CRYAB: variants seen among roughly 807,000 people sequenced by gnomAD.
The protein encoded by CRYAB is alpha-crystallin B chain.
A neutral mutation model predicts 12.7 loss-of-function variants in CRYAB; 9 were observed. That is an observed-to-expected ratio of 0.71 (90% confidence interval 0.43 to 1.24). CRYAB has a LOEUF of 1.24. Among genes scored for constraint, CRYAB ranks in the 50% most tolerant of loss-of-function variants. The pLI is 0.00. For synonymous variants in CRYAB, 93 were observed against 86.8 expected, an observed-to-expected ratio of 1.07 and a Z score of -0.40; for missense variants, 183 against 226.6, an observed-to-expected ratio of 0.81 and a Z score of 1.24.
At chr11:111,910,103 C>T (rs1965405096) in intron 2 of CRYAB, 1 of 695,332 alleles carries the variant, frequency 1.4e-6, no homozygotes, top group Non-Finnish European at 2.6e-6. Context: ...CCCATCATCC[C>T]ATCTAAGGCG....
upstream of CRYAB, chr11:111,918,093 A>G (rs1338476365): frequency 6.6e-6 from 1 of 152,292 alleles, no homozygotes; most frequent in African/African-American, 2.4e-5. Flanking sequence ...ATCCGAGGAA[A>G]ACACTAAAAA....
At chr11:111,910,485 A>C (rs782716901) in intron 1 of CRYAB, 36 bp from the exon 2 acceptor site, 2 of 1,613,656 alleles carry the variant, frequency 1.2e-6, no homozygotes, top group Non-Finnish European at 1.7e-6. Flanking sequence ...GGATGGGAGA[A>C]AGAGGGCAAA....
intron 1 of CRYAB, chr11:111,919,078 C>A: frequency 6.4e-7 from 1 of 1,553,318 alleles, no homozygotes; most frequent in Non-Finnish European, 8.8e-7. Context: ...AATCAGAGGA[C>A]CTGGAGATAG....
At chr11:111,909,105 G>A (rs782621608) in intron 2 of CRYAB, 138 bp from the exon 3 acceptor site, 27 of 853,542 alleles carry the variant, frequency 3.2e-5, no homozygotes, top group Admixed American at 2.8e-4. Context: ...ATAGAGCTTC[G>A]TTTCAGGGTT....
upstream of CRYAB, chr11:111,913,531 C>T: frequency 1.2e-6 from 2 of 1,614,124 alleles, no homozygotes; most frequent in Non-Finnish European, 1.7e-6. Context: ...GGCAGCAGGG[C>T]AGGGGCCTCC....
upstream of CRYAB, among the ~76,000 whole-genome samples, chr11:111,917,545 G>A (rs1965615706): frequency 2.0e-5 from 3 of 151,700 alleles, no homozygotes; most frequent in African/African-American, 4.8e-5. Flanking sequence ...CCTCACACCT[G>A]TAACCCCAGC....
chr11:111,911,955 C>CGGCCAGT (rs1191909125), upstream of CRYAB: 7 of 545,312 alleles, frequency 1.3e-5, no homozygotes, highest in African/African-American at 1.3e-4. Flanking sequence ...ACGTCTGAGC[C>CGGCCAGT]GGCCAGTGAC....
chr11:111,912,835 G>A, upstream of CRYAB: 2 of 1,601,684 alleles, frequency 1.2e-6, no homozygotes, highest in Non-Finnish European at 8.5e-7. Flanking sequence ...CAGCCATGTC[G>A]GGCCGCTCAG....
chr11:111,913,013 C>A (rs1257153013), upstream of CRYAB: 1 of 926,846 alleles, frequency 1.1e-6, no homozygotes, highest in Admixed American at 2.0e-5. Context: ...CCACCCCACT[C>A]TGGGCTTAAC....
At chr11:111,921,851 G>A (rs76824459) in intron 1 of CRYAB, among the ~76,000 whole-genome samples, 2 of 141,202 alleles carry the variant, frequency 1.4e-5, no homozygotes, top group Non-Finnish European at 3.1e-5. Context: ...TTTTTTTTTT[G>A]AAACAGAGTT....
rs931730154 is a variant in CRYAB at position 111,911,591 on chromosome 11, C to T, written c.134G>A (p.Ser45Asn). Reference sequence around the variant, plus strand: ...GGAGGGTGGCCGAAGGTAGAAGGGACTCAGGGAAGTAGACGTCGGGAAAAG... The same window carrying T: ...GGAGGGTGGCCGAAGGTAGAAGGGATTCAGGGAAGTAGACGTCGGGAAAAG... ...SDLFPTSTSL[S>N]PFYLRPPSFL... The change falls in exon 1 of 3, where the codon AGT becomes AAT. Residue 45 changes from serine to asparagine, a missense_variant. By Grantham distance (46) the Ser-to-Asn change is conservative. Transcript: ENST00000650687. 1.9e-5 allele frequency: 30 copies of T among 1,613,246 alleles called. No individual in the cohort carries two copies. Among genetic ancestry groups the T allele is most frequent in the Admixed American group, 3.3e-5 (2 of 59,886 alleles).
intron 2 of CRYAB, chr11:111,909,838 T>G: frequency 3.1e-6 from 1 of 319,040 alleles, no homozygotes; most frequent in Non-Finnish European, 5.8e-6. Context: ...GCAAAGCAAC[T>G]AGGTGTCTGA....
intron 1 of CRYAB, among the ~76,000 whole-genome samples, chr11:111,918,352 T>C (rs1211700743): frequency 6.6e-6 from 1 of 152,218 alleles, no homozygotes; most frequent in East Asian, 1.9e-4. Flanking sequence ...TCAGTTTTTT[T>C]CATTTCACAG....
In CRYAB at chr11:111,908,679, A is replaced by G; in HGVS notation, c.*85T>C. On this transcript the variant is annotated 3_prime_UTR_variant, in exon 3 of 3. Transcript: ENST00000650687. ...TAATTTGGGCCTGCCCTTAGCATTA[A>G]TAAGCTTCAGCACTAGTCACAAGAC... The G allele has an allele frequency of 7.3e-7, 1 of 1,364,008 alleles. No individual in the cohort carries two copies. Among genetic ancestry groups the G allele is most frequent in the Non-Finnish European group, 1.0e-6 (1 of 957,256 alleles). The allele number at this position is 1,364,008 out of a possible 1,614,324, so 84.5% of individuals were successfully genotyped here. A position where few individuals can be genotyped will look rare whatever the true frequency, so the allele number is the denominator to read the frequency against.
upstream of CRYAB, chr11:111,913,882 T>C (rs782496139): frequency 6.2e-7 from 1 of 1,608,502 alleles, no homozygotes; most frequent in African/African-American, 1.3e-5. Flanking sequence ...GAGGCAGCCA[T>C]AGTTGAGCCC....
In CRYAB at chr11:111,909,066, C is replaced by A. The variant is rs527626172; in HGVS notation, c.325-99G>T. Reference sequence around the variant, plus strand: ...ATCCTGATTTCCCCTTAGGTGAGACCAAATGCCATGACAACATAGGAAAAA... The same window carrying A: ...ATCCTGATTTCCCCTTAGGTGAGACAAAATGCCATGACAACATAGGAAAAA... On this transcript the variant is annotated intron_variant, in intron 2 of 2. Coordinates refer to ENST00000650687, the MANE Select transcript of CRYAB (RefSeq NM_001289808.2). The A allele has an allele frequency of 9.1e-5, 108 of 1,190,690 alleles. 1 individual carries two copies. In the East Asian group the frequency reaches 2.4e-3, roughly 26 times the overall value. 73.8% of individuals were successfully genotyped at this position (1,190,690 alleles called of 1,614,324 possible). A position where few individuals can be genotyped will look rare whatever the true frequency, so the allele number is the denominator to read the frequency against.
rs1965409184 is a variant in CRYAB, at chr11:111,910,221, G to A, written c.324+106C>T. ...TGTAACCCCTGATCCCGACTGTTAT[G>A]GCTTGGGACTGGAATGTAGCCAGCC... On this transcript the variant is annotated intron_variant, in intron 2 of 2. Coordinates refer to ENST00000650687, the MANE Select transcript of CRYAB (RefSeq NM_001289808.2). The A allele has an allele frequency of 3.6e-6, 5 of 1,378,814 alleles. No homozygotes were observed. In the South Asian group the frequency reaches 5.8e-5, roughly 16 times the overall value. 85.4% of individuals were successfully genotyped at this position (1,378,814 alleles called of 1,614,324 possible). A position where few individuals can be genotyped will look rare whatever the true frequency, so the allele number is the denominator to read the frequency against.
At chr11:111,911,364 T>G (rs781871361) in intron 1 of CRYAB, among the ~76,000 whole-genome samples, 160 bp downstream of exon 1, 67 of 151,738 alleles carry the variant, frequency 4.4e-4, no homozygotes, top group Non-Finnish European at 6.8e-4. Flanking sequence ...TAGAAACAGG[T>G]GATGGGGGAG....
rs1041625378 is a variant in CRYAB, at chr11:111,919,175, T to C, written c.-199+4528A>G. ...AGCAGCACCTCCTTTCAGGAGGCCT[T>C]AGAAGACAGAGCCAAGTGGCTGGGC... On this transcript the variant is annotated intron_variant, in intron 1 of 3. Coordinates refer to the CRYAB transcript ENST00000527950. The C allele has an allele frequency of 1.9e-5, 14 of 755,660 alleles. No individual in the cohort carries two copies. In the African/African-American group the frequency reaches 2.3e-4, roughly 12 times the overall value. The allele number at this position is 755,660 out of a possible 1,614,324, so 46.8% of individuals were successfully genotyped here. A position where few individuals can be genotyped will look rare whatever the true frequency, so the allele number is the denominator to read the frequency against.
Sources: allele counts gnomAD v4.1 joint callset (sites outside exome capture counted in the v4.1 genomes callset), GRCh38; gene constraint gnomAD v4.1.1; transcripts MANE v1.5; gene names NCBI Gene and HGNC (gene_info 2026-07-23, HGNC 2026-07-21).